TMEM223: variants seen among roughly 807,000 people sequenced by gnomAD.
The protein encoded by TMEM223 is transmembrane protein 223.
In TMEM223, 14 loss-of-function variants were observed where a neutral mutation model predicts 14.1. The ratio of observed to expected loss-of-function variants is 0.99; its 90% CI spans 0.66 to 1.55. The LOEUF (loss-of-function observed/expected upper bound fraction) is 1.55. TMEM223 is among the 40% of genes most tolerant of loss of function. TMEM223 has a pLI of 0.00. For synonymous variants in TMEM223, 145 were observed against 120.5 expected, an observed-to-expected ratio of 1.20 and a Z score of -1.33; for missense variants, 346 against 269.9, an observed-to-expected ratio of 1.28 and a Z score of -1.97.
In TMEM223 at chr11:62,791,896, A is replaced by G; in HGVS notation, c.99T>C (p.Asp33=). The G allele has an allele frequency of 6.2e-7, 1 of 1,600,532 alleles. No homozygotes were observed. The highest frequency in any genetic ancestry group is 8.5e-7 in the Non-Finnish European group (1 of 1,174,108). ...CCCGATCATGCTCAAAGAGCAGCAC[A>G]TCCCGTTGCAGCGTCGTGCCTTGCA... ...RPLQGTTLQR[D]VLLFEHDRGR... Residue 33 remains aspartate, a synonymous_variant, in exon 1 of 2, where the codon GAT becomes GAC. Transcript: ENST00000307366.
At position 62,790,477 on chromosome 11, in the gene TMEM223, T is replaced by C; in HGVS notation, c.*146A>G. The C allele has an allele frequency of 1.5e-6, 1 of 679,338 alleles. No homozygotes were observed. The highest frequency in any genetic ancestry group is 2.4e-6 in the Non-Finnish European group (1 of 419,192). The allele number at this position is 679,338 out of a possible 1,614,324, so 42.1% of individuals were successfully genotyped here. ...TGTAAATAGAGACAAGGTCTCGCTA[T>C]GTTGCCCAGCCTGGGCTCGAGCAGT... is the stretch of plus-strand genomic sequence containing the variant. On this transcript the variant is annotated 3_prime_UTR_variant, in exon 2 of 2. Coordinates refer to ENST00000307366, the MANE Select transcript of TMEM223 (RefSeq NM_001080501.3).
intron 1 of TMEM223, among the ~76,000 whole-genome samples, chr11:62,791,328 G>A (rs2084358491): frequency 6.6e-6 from 1 of 152,058 alleles, no homozygotes; most frequent in East Asian, 1.9e-4. Flanking sequence ...CGTCATCTCG[G>A]CTCACTGCAA....
chr11:62,786,183 G>T, downstream of TMEM223: 2 of 1,532,772 alleles, frequency 1.3e-6, no homozygotes, highest in South Asian at 1.2e-5. Context: ...ATAAAGGTAG[G>T]TCTTTCATGG....
intron 1 of TMEM223, among the ~76,000 whole-genome samples, chr11:62,780,214 A>G (rs2084218607): frequency 1.3e-5 from 2 of 151,748 alleles, no homozygotes; most frequent in Non-Finnish European, 2.9e-5. Context: ...GCTACTCGGG[A>G]GGCTGAGGCA....
chr11:62,773,757 T>C (rs2084166542), intron 2 of TMEM223, among the ~76,000 whole-genome samples: 1 of 152,156 alleles, frequency 6.6e-6, no homozygotes, highest in Admixed American at 6.6e-5. Flanking sequence ...TACAAATTCT[T>C]ACGACTGGTT....
chr11:62,789,267 A>T (rs1201232824), downstream of TMEM223: 1 of 1,613,952 alleles, frequency 6.2e-7, no homozygotes, highest in East Asian at 2.2e-5. Context: ...CACCTCCACC[A>T]CAAGGCTTGT....
At chr11:62,786,016 A>C, downstream of TMEM223, 1 of 406,380 alleles carries the variant, frequency 2.5e-6, no homozygotes. Context: ...TTTAGCACAC[A>C]GGGCAGTGAT....
chr11:62,791,407 G>A (rs11231220), intron 1 of TMEM223, among the ~76,000 whole-genome samples: 1,753 of 152,246 alleles, frequency 0.012, 30 homozygotes, highest in African/African-American at 0.04. Context: ...ACAGGCGCTT[G>A]CTACCACGCC....
chr11:62,789,462 A>G, downstream of TMEM223: 1 of 1,613,232 alleles, frequency 6.2e-7, no homozygotes, highest in Non-Finnish European at 8.5e-7. Flanking sequence ...GCTGGGGCTG[A>G]CTACCTTCCC....
downstream of TMEM223, among the ~76,000 whole-genome samples, chr11:62,788,660 C>T (rs1239422180): frequency 7.0e-6 from 1 of 142,352 alleles, no homozygotes; most frequent in East Asian, 2.1e-4. Flanking sequence ...GCCGAGATGG[C>T]GCCACTGCAC....
chr11:62,791,937 G>C lies in TMEM223; in HGVS notation c.58C>G (p.Leu20Val), dbSNP rs374775963. The C allele has an allele frequency of 1.4e-4, 216 of 1,592,486 alleles. No homozygotes were observed. The highest frequency in any genetic ancestry group is 1.8e-4 in the Middle Eastern group (1 of 5,506). ...TGLLAVLRPL[L>V]TCRPLQGTTL... is the part of the protein sequence containing the mutation. The stretch of plus-strand genomic sequence containing the variant: ...GTGCCTTGCAGGGGCCGGCAGGTGA[G>C]CAGGGGCCGCAGCACGGCTAGCAGC... Residue 20 changes from leucine (L) to valine (V), a missense_variant, in exon 1 of 2, where the codon CTC becomes GTC. Coordinates refer to ENST00000307366, the MANE Select transcript of TMEM223 (RefSeq NM_001080501.3).
intron 1 of TMEM223, chr11:62,774,751 C>T (rs935470085): frequency 9.7e-6 from 4 of 414,416 alleles, no homozygotes; most frequent in African/African-American, 2.1e-5. Context: ...CAGCTACTAT[C>T]CAGCCTGGCC....
At position 62,790,778 on chromosome 11, in the gene TMEM223, T is replaced by G; in HGVS notation, c.454A>C (p.Lys152Gln). 6.2e-7 allele frequency: 1 copy of G among 1,608,912 alleles called. No individual in the cohort carries two copies. The highest frequency in any genetic ancestry group is 8.5e-7 in the Non-Finnish European group (1 of 1,177,514). The change falls in exon 2 of 2, where the codon AAG becomes CAG. Residue 152 changes from lysine to glutamine, a missense_variant. Physicochemically the swap from Lys to Gln is moderately conservative, Grantham distance 53. Transcript: ENST00000307366. The part of the protein sequence containing the change: ...GLGAHFTVPL[K>Q]QVSCMAHRGE... The stretch of plus-strand genomic sequence containing the variant: ...CGGTGGGCCATGCAAGATACCTGCT[T>G]CAAAGGAACTGTGAAATGGGCCCCC...
intron 1 of TMEM223, chr11:62,782,120 C>G (rs149223619): frequency 1.9e-6 from 3 of 1,606,686 alleles, no homozygotes; most frequent in Non-Finnish European, 2.6e-6. Flanking sequence ...CAGGTGAAAT[C>G]TGTAAGCCAT....
chr11:62,789,220 T>G (rs755000741), downstream of TMEM223: 1 of 1,614,018 alleles, frequency 6.2e-7, no homozygotes, highest in Non-Finnish European at 8.5e-7. Context: ...GGTGACTGCC[T>G]AACCCTGAGG....
downstream of TMEM223, among the ~76,000 whole-genome samples, chr11:62,784,684 G>A (rs1195936765): frequency 6.6e-6 from 1 of 152,092 alleles, no homozygotes; most frequent in Non-Finnish European, 1.5e-5. Flanking sequence ...TGATCCGAAG[G>A]CTTTTCAGCT....
intron 1 of TMEM223, chr11:62,781,994 G>T (rs181124445): frequency 1.2e-5 from 20 of 1,612,582 alleles, no homozygotes; most frequent in Non-Finnish European, 1.6e-5. Context: ...GGGACAGGGA[G>T]AATGTTTTAT....
chr11:62,781,214 C>T (rs184704033), intron 1 of TMEM223, among the ~76,000 whole-genome samples: 2,231 of 148,962 alleles, frequency 0.015, 52 homozygotes, highest in African/African-American at 0.051. Context: ...CCAGCCTGGG[C>T]GACAGGGCGA....
At chr11:62,779,976 A>ATTTTTTTTTTTTT (rs1277954265) in intron 1 of TMEM223, among the ~76,000 whole-genome samples, 2 of 52,632 alleles carry the variant, frequency 3.8e-5, no homozygotes, top group Non-Finnish European at 7.3e-5. Context: ...ATATATATAT[A>ATTTTTTTTTTTTT]TTTTTTTTTT....
Sources: gnomAD v4.1 joint callset for allele counts (sites outside exome capture counted in the v4.1 genomes callset) on GRCh38, gnomAD v4.1.1 for gene constraint, MANE v1.5 for transcripts, NCBI Gene and HGNC (gene_info 2026-07-23, HGNC 2026-07-21) for gene names.